APTX: variants seen among roughly 807,000 people sequenced by gnomAD.
APTX encodes aprataxin.
In APTX, 33 loss-of-function variants were observed where a neutral mutation model predicts 42.3. That is an observed-to-expected ratio of 0.78 (90% confidence interval 0.59 to 1.04). The LOEUF (loss-of-function observed/expected upper bound fraction) is 1.04, where lower values mean the gene tolerates loss of function less well. APTX is among the 50% of genes least tolerant of loss of function. APTX has a pLI of 0.00. For missense variants in APTX, 421 were observed against 415.1 expected, an observed-to-expected ratio of 1.01 and a Z score of -0.12; for synonymous variants, 130 against 146.7, an observed-to-expected ratio of 0.89 and a Z score of 0.82.
At chr9:33,019,926 G>A in intron 1 of APTX, 2 of 503,084 alleles carry the variant, frequency 4.0e-6, no homozygotes, top group Non-Finnish European at 7.2e-6. Flanking sequence ...AAGGGGGTCG[G>A]GAAAGGCACG....
intron 6 of APTX, among the ~76,000 whole-genome samples, chr9:32,981,933 G>A (rs1830766815): frequency 6.6e-6 from 1 of 151,872 alleles, no homozygotes; most frequent in African/African-American, 2.4e-5. Context: ...ATCATTGGGT[G>A]CGAGTTTGAG....
intron 1 of APTX, among the ~76,000 whole-genome samples, chr9:33,013,878 A>C (rs1292646550): frequency 6.6e-6 from 1 of 152,218 alleles, no homozygotes; most frequent in Admixed American, 6.5e-5. Context: ...AGGGAGATGA[A>C]AGAAATGACA....
chr9:32,999,532 A>T (rs1282267882), intron 1 of APTX, among the ~76,000 whole-genome samples: 1 of 152,232 alleles, frequency 6.6e-6, no homozygotes, highest in Non-Finnish European at 1.5e-5. Context: ...TCAGAAGCAA[A>T]CATAAAGAAA....
chr9:32,990,808 G>T (rs1031628320), intron 1 of APTX, among the ~76,000 whole-genome samples: 3 of 152,162 alleles, frequency 2.0e-5, no homozygotes, highest in African/African-American at 7.2e-5. Flanking sequence ...TAGTGCTTAG[G>T]TGTCTTTATG....
intron 1 of APTX, among the ~76,000 whole-genome samples, chr9:33,020,635 C>T (rs192397286): frequency 4.1e-4 from 63 of 152,242 alleles, no homozygotes; most frequent in African/African-American, 1.5e-3. Flanking sequence ...AAAGAAAGAA[C>T]AGATGAGGAA....
At chr9:33,006,903 G>C (rs1267091460) in intron 1 of APTX, among the ~76,000 whole-genome samples, 1 of 149,040 alleles carries the variant, frequency 6.7e-6, no homozygotes, top group Non-Finnish European at 1.5e-5. Flanking sequence ...GGGAGGCTGA[G>C]GCAGGAGAAA....
intron 1 of APTX, among the ~76,000 whole-genome samples, chr9:32,996,917 G>A (rs968219321): frequency 6.6e-6 from 1 of 152,218 alleles, no homozygotes; most frequent in Non-Finnish European, 1.5e-5. Context: ...TGCATACTAT[G>A]TGCTAGGCAC....
chr9:32,994,503 A>G (rs1834374708), intron 1 of APTX, among the ~76,000 whole-genome samples: 1 of 152,184 alleles, frequency 6.6e-6, no homozygotes, highest in Non-Finnish European at 1.5e-5. Flanking sequence ...ATACTGGCAT[A>G]CCTGCTTTGT....
At position 32,974,474 on chromosome 9, in the gene APTX, G is replaced by A. The variant is rs1408582180; in HGVS notation, c.858C>T (p.Tyr286=). ...ACTGTTTACCTTGTGATTCTAGGAA[G>A]TATTCTGTATTGAAAGAATTCCAAT... ...KKHWNSFNTE[Y]FLESQAVIEM... Residue 286 remains tyrosine (Y), a synonymous_variant, in exon 7 of 8, where the codon TAC becomes TAT. Coordinates refer to ENST00000379817, the MANE Select transcript of APTX (RefSeq NM_001195248.2). 6.3e-7 allele frequency: 1 copy of A among 1,586,940 alleles called. No homozygotes were observed. Among genetic ancestry groups the A allele is most frequent in the African/African-American group, 1.3e-5 (1 of 74,388 alleles).
chr9:32,998,423 A>G (rs1835475510), intron 1 of APTX, among the ~76,000 whole-genome samples: 1 of 152,228 alleles, frequency 6.6e-6, no homozygotes, highest in Non-Finnish European at 1.5e-5. Context: ...ATCCACATGT[A>G]TGTTTATTGC....
chr9:32,989,545 C>G, intron 2 of APTX: 1 of 736,046 alleles, frequency 1.4e-6, no homozygotes, highest in Non-Finnish European at 2.4e-6. Flanking sequence ...TTGACTGCTC[C>G]CAACCTTCAC....
intron 1 of APTX, among the ~76,000 whole-genome samples, chr9:33,020,922 G>C (rs996819194): frequency 8.5e-5 from 13 of 152,122 alleles, no homozygotes; most frequent in African/African-American, 1.2e-4. Flanking sequence ...CTGAGGTTGG[G>C]AGTTCAAGAC....
intron 1 of APTX, among the ~76,000 whole-genome samples, chr9:33,011,390 G>T (rs1259443225): frequency 4.0e-5 from 6 of 151,344 alleles, no homozygotes; most frequent in Non-Finnish European, 8.8e-5. Flanking sequence ...CAGGTTCAAG[G>T]AATTCTCCTG....
At chr9:32,985,589 G>A (rs1483606026) in intron 5 of APTX, among the ~76,000 whole-genome samples, 1 of 152,054 alleles carries the variant, frequency 6.6e-6, no homozygotes, top group Non-Finnish European at 1.5e-5. Context: ...TCCCGTCTCG[G>A]CCTCCCAAAG....
At chr9:32,989,447 G>C (rs996987161) in intron 2 of APTX, among the ~76,000 whole-genome samples, 1 of 152,188 alleles carries the variant, frequency 6.6e-6, no homozygotes, top group Non-Finnish European at 1.5e-5. Context: ...GTAGACTCCA[G>C]AGTTTACATC....
At chr9:32,991,005 C>A (rs902198402) in intron 1 of APTX, among the ~76,000 whole-genome samples, 1 of 152,124 alleles carries the variant, frequency 6.6e-6, no homozygotes, top group Non-Finnish European at 1.5e-5. Flanking sequence ...TGGCTCACTG[C>A]AACCTCTGCC....
intron 1 of APTX, among the ~76,000 whole-genome samples, chr9:33,022,704 G>A (rs1276934363): frequency 6.6e-6 from 1 of 152,370 alleles, no homozygotes; most frequent in East Asian, 1.9e-4. Context: ...GGCATAGTAA[G>A]ATGACAAAGT....
chr9:32,998,171 CTGTCCAGGAGGAT>C, intron 1 of APTX, among the ~76,000 whole-genome samples: 1 of 152,178 alleles, frequency 6.6e-6, no homozygotes. Flanking sequence ...GCAGGCAGAG[CTGTCCAGGAGGAT>C]AGTCAGATGT....
In APTX at chr9:32,972,861, C is replaced by T. The variant is rs759273556; in HGVS notation, c.*637G>A. On this transcript the variant is annotated 3_prime_UTR_variant, in exon 8 of 8. Coordinates refer to ENST00000379817, the MANE Select transcript of APTX (RefSeq NM_001195248.2). ...CTGTTTCCTCACAGCCAGGAACCCT[C>T]GGTATTAGAAGAAAACTCCAACCCC... 16 of 453,958 alleles carry T rather than the reference C, an allele frequency of 3.5e-5. No individual in the cohort carries two copies. The highest frequency in any genetic ancestry group is 1.2e-4 in the South Asian group (8 of 64,478). The allele number at this position is 453,958 out of a possible 1,614,324, so 28.1% of individuals were successfully genotyped here.
Sources: allele counts gnomAD v4.1 joint callset (sites outside exome capture counted in the v4.1 genomes callset), GRCh38; gene constraint gnomAD v4.1.1; transcripts MANE v1.5; gene names NCBI Gene and HGNC (gene_info 2026-07-23, HGNC 2026-07-21).